NRG3: variants seen among roughly 807,000 people sequenced by gnomAD.
NRG3 encodes the protein neuregulin 3, also known as pro-neuregulin-3, membrane-bound isoform.
In NRG3, 31 loss-of-function variants were observed where a neutral mutation model predicts 66.9. The observed-to-expected ratio is 0.46, with a 90% CI of 0.35 to 0.63. The LOEUF (loss-of-function observed/expected upper bound fraction) is 0.63. NRG3 is among the 20% of genes least tolerant of loss of function. The pLI, the probability that NRG3 is intolerant of heterozygous loss-of-function variation, is 0.00. For missense variants in NRG3, 910 were observed against 878.9 expected (o/e 1.04, Z -0.45); for synonymous variants, 393 against 359.4 (o/e 1.09, Z -1.06).
intron 6 of NRG3, among the ~76,000 whole-genome samples, chr10:82,968,661 C>CAGGGAGGG (rs1554853952): frequency 1.4e-5 from 2 of 146,804 alleles, no homozygotes; most frequent in East Asian, 2.0e-4. Flanking sequence ...GGAAGGGAGG[C>CAGGGAGGG]AGGGAGGGAG....
At chr10:82,007,211 C>CTTT (rs34146080) in intron 1 of NRG3, among the ~76,000 whole-genome samples, 5 of 130,544 alleles carry the variant, frequency 3.8e-5, no homozygotes, top group Admixed American at 8.3e-5. Context: ...TTTTTCTTTT[C>CTTT]TTTTTTTTTT....
At chr10:82,790,136 C>T (rs1429883910) in intron 3 of NRG3, among the ~76,000 whole-genome samples, 1 of 152,028 alleles carries the variant, frequency 6.6e-6, no homozygotes, top group East Asian at 1.9e-4. Flanking sequence ...AAGGGGCTTA[C>T]AAACTGTATT....
At chr10:82,245,978 GTTTTT>G (rs372596396) in intron 1 of NRG3, among the ~76,000 whole-genome samples, 2 of 103,298 alleles carry the variant, frequency 1.9e-5, no homozygotes, top group African/African-American at 3.8e-5. Flanking sequence ...CAGTCTTCTG[GTTTTT>G]TTTTTTTTTT....
chr10:82,646,159 G>A (rs755059464), intron 2 of NRG3, among the ~76,000 whole-genome samples: 1 of 152,098 alleles, frequency 6.6e-6, no homozygotes, highest in African/African-American at 2.4e-5. Flanking sequence ...TAACCTCTTG[G>A]CCCTACAGCT....
chr10:82,376,081 T>A (rs925404353), intron 2 of NRG3, among the ~76,000 whole-genome samples: 1 of 152,102 alleles, frequency 6.6e-6, no homozygotes, highest in Non-Finnish European at 1.5e-5. Context: ...CTTTTAAAAA[T>A]CCATTCTGTT....
Position 82,293,188 on chromosome 10 carries a change from G to A in NRG3, c.824-65551G>A, listed in dbSNP as rs1301118471. Among the ~76,000 whole-genome samples the A allele has an allele frequency of 2.6e-5, 4 of 152,156 alleles. No homozygotes were observed. In the East Asian group the frequency reaches 7.7e-4, roughly 29 times the overall value. The stretch of plus-strand genomic sequence containing the variant: ...GATGGGCTCCTCAGCCTCCGTCCCA[G>A]ATGGTCTACGTTGAGTTCAATTTTT... On this transcript the variant is annotated intron_variant, in intron 1 of 8. Coordinates refer to ENST00000372141, the MANE Select transcript of NRG3 (RefSeq NM_001010848.4).
chr10:82,621,207 C>T (rs1034847935), intron 2 of NRG3, among the ~76,000 whole-genome samples: 1 of 152,106 alleles, frequency 6.6e-6, no homozygotes, highest in African/African-American at 2.4e-5. Context: ...TCCTATTGTG[C>T]TAGTTAAAAT....
rs1340297405 is a variant in NRG3 at position 82,408,091 on chromosome 10, G to GAAAGA, written c.953+49226_953+49230dup. The stretch of plus-strand genomic sequence containing the variant: ...AGAGAGAGAGAGAGAGAGACAGAAA[G>GAAAGA]AAAGAAAGAAAGAAAGAAAGAAAGA... On this transcript the variant is annotated intron_variant, in intron 2 of 8. Transcript: ENST00000372141. Among the ~76,000 whole-genome samples, 249 of 91,162 alleles carry GAAAGA rather than the reference G, an allele frequency of 2.7e-3. 3 individuals are homozygous for GAAAGA. The highest frequency in any genetic ancestry group is 9.6e-3 in the African/African-American group (228 of 23,760). The allele number at this position is 91,162 out of a possible 152,430, so 59.8% of individuals were successfully genotyped here.
intron 1 of NRG3, among the ~76,000 whole-genome samples, chr10:81,942,188 A>G (rs1471810254): frequency 6.6e-6 from 1 of 152,134 alleles, no homozygotes; most frequent in Non-Finnish European, 1.5e-5. Context: ...CCCAGAATTC[A>G]AATTTCTAGG....
intron 3 of NRG3, chr10:82,827,100 A>C (rs1195133085): frequency 3.0e-6 from 1 of 330,662 alleles, no homozygotes; most frequent in African/African-American, 2.2e-5. Context: ...AGCTTGAAAA[A>C]TAACTCTTGA....
At chr10:82,285,012 A>G (rs2079335175) in intron 1 of NRG3, among the ~76,000 whole-genome samples, 1 of 152,182 alleles carries the variant, frequency 6.6e-6, no homozygotes, top group Admixed American at 6.6e-5. Context: ...TATCTTGGAA[A>G]ACAGATTGTG....
chr10:82,579,568 G>A (rs188514218), intron 2 of NRG3, among the ~76,000 whole-genome samples: 2 of 151,940 alleles, frequency 1.3e-5, no homozygotes, highest in Non-Finnish European at 2.9e-5. Flanking sequence ...AAGAACACAT[G>A]TATGTGTTAA....
chr10:82,416,544 C>T (rs1187976196), intron 2 of NRG3, among the ~76,000 whole-genome samples: 1 of 152,162 alleles, frequency 6.6e-6, no homozygotes, highest in Non-Finnish European at 1.5e-5. Context: ...CTCAGGTCCC[C>T]TTTGGGCCCT....
intron 2 of NRG3, among the ~76,000 whole-genome samples, chr10:82,497,210 C>T (rs1479663630): frequency 6.6e-6 from 1 of 152,162 alleles, no homozygotes; most frequent in Non-Finnish European, 1.5e-5. Flanking sequence ...TCTTAAAATA[C>T]TTGAACTTTT....
chr10:82,709,375 TTTTG>T (rs553568909), intron 2 of NRG3, among the ~76,000 whole-genome samples: 70 of 148,436 alleles, frequency 4.7e-4, no homozygotes, highest in Middle Eastern at 3.4e-3. Flanking sequence ...TGTTTTTGTT[TTTTG>T]TTTGTTTGTT....
intron 2 of NRG3, among the ~76,000 whole-genome samples, chr10:82,382,580 A>G (rs2085689549): frequency 6.6e-6 from 1 of 152,006 alleles, no homozygotes; most frequent in Admixed American, 6.6e-5. Flanking sequence ...AAAATAGTGC[A>G]TCTTTGTTTC....
chr10:82,058,641 T>A, intron 1 of NRG3, among the ~76,000 whole-genome samples: 1 of 152,046 alleles, frequency 6.6e-6, no homozygotes, highest in East Asian at 1.9e-4. Flanking sequence ...CAAGTTTTTT[T>A]ATTTTGATTT....
chr10:82,390,370 A>G (rs2086274436), intron 2 of NRG3, among the ~76,000 whole-genome samples: 2 of 152,110 alleles, frequency 1.3e-5, no homozygotes, highest in African/African-American at 2.4e-5. Context: ...ATTGTTCTCA[A>G]AATGATTTAC....
chr10:82,025,295 G>A (rs1426578301), intron 1 of NRG3, among the ~76,000 whole-genome samples: 1 of 150,854 alleles, frequency 6.6e-6, no homozygotes, highest in East Asian at 1.9e-4. Flanking sequence ...ATATATATAA[G>A]AAATACTCTA....
Sources: gnomAD v4.1 joint callset for allele counts (sites outside exome capture counted in the v4.1 genomes callset) on GRCh38, gnomAD v4.1.1 for gene constraint, MANE v1.5 for transcripts, NCBI Gene and HGNC (gene_info 2026-07-23, HGNC 2026-07-21) for gene names.